Variants in SETD3 observed in about 807,000 individuals in gnomAD.
SETD3 encodes the protein SET domain containing 3, actin N3(tau)-histidine methyltransferase.
SETD3 carries 19 observed loss-of-function variants against 63.0 expected under a neutral mutation model. The observed-to-expected ratio is 0.30, with a 90% confidence interval of 0.21 to 0.44. The LOEUF (loss-of-function observed/expected upper bound fraction) is 0.44. Ranked by LOEUF, SETD3 falls within the 20% of genes least tolerant of loss-of-function variation. The pLI, the probability that SETD3 is intolerant of heterozygous loss-of-function variation, is 1.00. For synonymous variants in SETD3, 286 were observed against 264.1 expected (o/e 1.08, Z -0.80); for missense variants, 587 against 728.5 (o/e 0.81, Z 2.24).
chr14:99,437,899 G>A (rs934423059), intron 6 of SETD3, among the ~76,000 whole-genome samples: 2 of 152,108 alleles, frequency 1.3e-5, no homozygotes, highest in East Asian at 3.9e-4. Context: ...CCAGCTAACT[G>A]TACATAAGCA....
upstream of SETD3, chr14:99,481,439 G>A (rs774301183): frequency 7.5e-6 from 3 of 398,612 alleles, no homozygotes; most frequent in South Asian, 1.3e-4. Context: ...GCCGCAGTCG[G>A]CAAGGAGAGA....
chr14:99,400,420 TAG>T (rs1282841898), intron 11 of SETD3, among the ~76,000 whole-genome samples, 161 bp from the exon 12 acceptor site: 6 of 152,180 alleles, frequency 3.9e-5, no homozygotes, highest in African/African-American at 1.4e-4. Context: ...CTCTCCAAAG[TAG>T]AGCAGAGCTA....
chr14:99,469,785 C>T (rs1051183707), intron 1 of SETD3, among the ~76,000 whole-genome samples: 1 of 152,156 alleles, frequency 6.6e-6, no homozygotes, highest in Admixed American at 6.5e-5. Flanking sequence ...TGCACGAATT[C>T]ATGGACTCAT....
At chr14:99,444,056 G>C (rs1272240115) in intron 6 of SETD3, among the ~76,000 whole-genome samples, 2 of 152,154 alleles carry the variant, frequency 1.3e-5, no homozygotes, top group Admixed American at 1.3e-4. Flanking sequence ...GGGAACCTAA[G>C]ACACCAATTT....
chr14:99,446,137 C>T lies in SETD3; in HGVS notation c.675+12142G>A, dbSNP rs111345564. On this transcript the variant is annotated intron_variant, in intron 6 of 12. Coordinates refer to ENST00000331768, the MANE Select transcript of SETD3 (RefSeq NM_032233.3). ...TCTGGCGAGCTTTCCTGTTCCTACA[C>T]CTGCTTCCTCACTTATAAAATGGGG... Among the ~76,000 whole-genome samples, 366 of 152,324 alleles carry T rather than the reference C, an allele frequency of 2.4e-3. 2 individuals are homozygous for T. Among genetic ancestry groups the T allele is most frequent in the Middle Eastern group, 0.014 (4 of 294 alleles).
intron 6 of SETD3, among the ~76,000 whole-genome samples, chr14:99,454,735 C>A (rs1031665060): frequency 7.0e-6 from 1 of 142,126 alleles, no homozygotes; most frequent in African/African-American, 2.6e-5. Flanking sequence ...GGAAGGAAGG[C>A]GCGGAGACCG....
chr14:99,459,747 A>G (rs1312440769), intron 4 of SETD3, among the ~76,000 whole-genome samples: 1 of 152,196 alleles, frequency 6.6e-6, no homozygotes, highest in East Asian at 1.9e-4. Context: ...TTTTTTGGCA[A>G]TACAGGCTGC....
rs188525140 is a variant in SETD3, at chr14:99,404,574, T to A, written c.1092-264A>T. On this transcript the variant is annotated intron_variant, in intron 10 of 12. Transcript: ENST00000331768. ...AGAGCCTAACAGCTGTAATCTCAGG[T>A]TGCACATAATACATTCAAAAATTAA... Among the ~76,000 whole-genome samples the A allele has an allele frequency of 3.9e-3, 589 of 152,298 alleles. 3 individuals are homozygous for A. Among genetic ancestry groups the A allele is most frequent in the African/African-American group, 0.013 (555 of 41,568 alleles).
intron 9 of SETD3, 121 bp downstream of exon 9, chr14:99,406,395 T>C: frequency 1.2e-6 from 1 of 838,284 alleles, no homozygotes; most frequent in South Asian, 1.5e-5. Context: ...AGAAAAACAA[T>C]CCTCAATGTG....
intron 6 of SETD3, among the ~76,000 whole-genome samples, chr14:99,456,274 T>C (rs1416013472): frequency 1.3e-5 from 2 of 152,260 alleles, no homozygotes; most frequent in African/African-American, 4.8e-5. Context: ...TTCTAAATCA[T>C]GGTACTTTTT....
intron 6 of SETD3, among the ~76,000 whole-genome samples, chr14:99,442,625 TCTTC>T (rs769656050): frequency 1.3e-5 from 2 of 152,370 alleles, no homozygotes; most frequent in South Asian, 2.1e-4. Flanking sequence ...ATGTATTTTC[TCTTC>T]CTTATGATTT....
At chr14:99,438,666 T>C (rs1038129661) in intron 6 of SETD3, among the ~76,000 whole-genome samples, 10 of 152,196 alleles carry the variant, frequency 6.6e-5, no homozygotes, top group African/African-American at 2.4e-4. Flanking sequence ...CTAAGTAGTC[T>C]TATGGCCTCC....
chr14:99,463,849 T>C lies in SETD3; in HGVS notation c.104-271A>G, dbSNP rs76523188. Among the ~76,000 whole-genome samples the C allele has an allele frequency of 7.3e-3, 1,111 of 152,322 alleles. 14 individuals are homozygous for C. Among genetic ancestry groups the C allele is most frequent in the Non-Finnish European group, 0.012 (800 of 68,034 alleles). ...AGCAAGCACCTAGCTCACATCCACC[T>C]TATTCTTAGTTAACTCTTTTTAGAA... On this transcript the variant is annotated intron_variant, in intron 2 of 12. Coordinates refer to ENST00000331768, the MANE Select transcript of SETD3 (RefSeq NM_032233.3).
chr14:99,433,818 ACATGCTCAACACCATTAG>A (rs781280154), intron 6 of SETD3, among the ~76,000 whole-genome samples: 236 of 152,336 alleles, frequency 1.5e-3, no homozygotes, highest in Middle Eastern at 3.4e-3. Flanking sequence ...GCAAATGAAA[ACATGCTCAACACCATTAG>A]CCATCAAGGA....
intron 1 of SETD3, among the ~76,000 whole-genome samples, chr14:99,479,979 C>T (rs1021238991): frequency 6.6e-6 from 1 of 151,872 alleles, no homozygotes; most frequent in African/African-American, 2.4e-5. Context: ...AGAGTTGCAT[C>T]GCCGGGCTGG....
intron 6 of SETD3, among the ~76,000 whole-genome samples, chr14:99,453,394 G>A (rs1413853640): frequency 6.6e-6 from 1 of 152,172 alleles, no homozygotes; most frequent in African/African-American, 2.4e-5. Flanking sequence ...TTGCTTAAGT[G>A]TGTTTTGCTT....
intron 1 of SETD3, among the ~76,000 whole-genome samples, chr14:99,477,210 A>T (rs1008843194): frequency 6.6e-6 from 1 of 152,210 alleles, no homozygotes; most frequent in African/African-American, 2.4e-5. Context: ...GCAAAGTCTT[A>T]ACTTTGGTAT....
At chr14:99,410,131 G>C in intron 8 of SETD3, 1 of 1,483,290 alleles carries the variant, frequency 6.7e-7, no homozygotes, top group Non-Finnish European at 9.4e-7. Flanking sequence ...CGCTGGAGGA[G>C]GTCTATGAGT....
chr14:99,400,477 C>T (rs867385839), intron 11 of SETD3, among the ~76,000 whole-genome samples: 40 of 152,178 alleles, frequency 2.6e-4, no homozygotes, highest in African/African-American at 9.4e-4. Context: ...ATGTGGAATC[C>T]TGATCAAGCC....
Sources: gnomAD v4.1 joint callset for allele counts (sites outside exome capture counted in the v4.1 genomes callset) on GRCh38, gnomAD v4.1.1 for gene constraint, MANE v1.5 for transcripts, NCBI Gene and HGNC (gene_info 2026-07-23, HGNC 2026-07-21) for gene names.